Variants in CERK observed in about 807,000 individuals in gnomAD.
The protein encoded by CERK is ceramide kinase.
CERK carries 39 observed loss-of-function variants against 63.4 expected under a neutral mutation model. The ratio of observed to expected loss-of-function variants is 0.61; its 90% CI spans 0.48 to 0.80. The LOEUF (loss-of-function observed/expected upper bound fraction) is 0.80. Among genes scored for constraint, CERK ranks in the 30% least tolerant of loss-of-function variants. The probability of loss-of-function intolerance (pLI) is 0.00; values close to 1 mark genes in which losing one functional copy is unlikely to be tolerated. For missense variants in CERK, 670 were observed against 714.1 expected (o/e 0.94, Z 0.70); for synonymous variants, 302 against 280.0 (o/e 1.08, Z -0.78).
chr22:46,720,966 GTC>G lies in CERK; in HGVS notation c.190_191del (p.Asp64ArgfsTer87), dbSNP rs1569328046. ...CACTGCCTTGATGTTTCCCGTGAAC[GTC>G]TGTTTCCTCAACGGCGATGATCTCA... ...VSEIIAVEET[D>X]VHGKHQGSGK... On this transcript the variant is annotated frameshift_variant, in exon 2 of 13. Transcript: ENST00000216264. LOFTEE classifies it high-confidence loss of function. The G allele has an allele frequency of 6.2e-7, 1 of 1,613,664 alleles. No homozygotes were observed. The highest frequency in any genetic ancestry group is 1.3e-5 in the African/African-American group (1 of 75,008).
chr22:46,691,860 G>C, intron 10 of CERK, 83 bp from the exon 11 acceptor site: 2 of 1,130,216 alleles, frequency 1.8e-6, no homozygotes, highest in South Asian at 1.5e-5. Context: ...GAGGCCATTC[G>C]GGCTCTCACC....
intron 1 of CERK, among the ~76,000 whole-genome samples, chr22:46,723,186 CA>C (rs1021361324): frequency 6.6e-6 from 1 of 152,176 alleles, no homozygotes; most frequent in Non-Finnish European, 1.5e-5. Flanking sequence ...ACAAAGATGC[CA>C]GCAGGGTCAT....
intron 7 of CERK, among the ~76,000 whole-genome samples, chr22:46,700,230 C>A (rs1485383399): frequency 6.7e-6 from 1 of 150,122 alleles, no homozygotes; most frequent in African/African-American, 2.5e-5. Flanking sequence ...CCCGTCTCTA[C>A]TAAAAATACA....
At chr22:46,693,643 A>T in intron 9 of CERK, 140 bp from the exon 10 acceptor site, 1 of 675,538 alleles carries the variant, frequency 1.5e-6, no homozygotes. Context: ...ATTTTTTGGC[A>T]TATTAATTAG....
At chr22:46,687,486 A>G (rs2082708468) in intron 12 of CERK, among the ~76,000 whole-genome samples, 1 of 152,220 alleles carries the variant, frequency 6.6e-6, no homozygotes, top group African/African-American at 2.4e-5. Flanking sequence ...GGGGTTGCCA[A>G]TGGCCAGGTG....
At chr22:46,724,846 C>G (rs1224553595) in intron 1 of CERK, among the ~76,000 whole-genome samples, 1 of 151,954 alleles carries the variant, frequency 6.6e-6, no homozygotes, top group Non-Finnish European at 1.5e-5. Flanking sequence ...GGTGAAACCC[C>G]GACTCTACTA....
At chr22:46,696,547 C>T (rs2146548267) in intron 8 of CERK, among the ~76,000 whole-genome samples, 1 of 152,332 alleles carries the variant, frequency 6.6e-6, no homozygotes, top group Middle Eastern at 3.4e-3. Context: ...TTTCTGTCTG[C>T]CCCTAGATGG....
rs549184204 is a variant in CERK, at chr22:46,719,983, T to C, written c.379+103A>G. On this transcript the variant is annotated intron_variant, in intron 3 of 12. Transcript: ENST00000216264. ...TGACTCATCATGTCCACCTGGGGTA[T>C]GGCCAGCTGCACGAAACGGGGAGAC... is the stretch of plus-strand genomic sequence containing the variant. 82 of 1,472,588 alleles carry C rather than the reference T, an allele frequency of 5.6e-5. No homozygotes were observed. The African/African-American group carries it at 6.0e-4, about 11-fold the overall frequency. The allele number at this position is 1,472,588 out of a possible 1,614,324, so 91.2% of individuals were successfully genotyped here.
chr22:46,720,758 T>A (rs969010137), intron 2 of CERK, 144 bp downstream of exon 2: 7 of 553,994 alleles, frequency 1.3e-5, no homozygotes, highest in Non-Finnish European at 2.3e-5. Context: ...TAACTAAAGG[T>A]AGCATTTGGG....
At chr22:46,694,029 C>T (rs192783682) in intron 9 of CERK, among the ~76,000 whole-genome samples, 3 of 152,274 alleles carry the variant, frequency 2.0e-5, no homozygotes, top group East Asian at 1.9e-4. Context: ...TGATGGAAAT[C>T]GCTCATCAGC....
chr22:46,691,418 A>T (rs1319789114), intron 11 of CERK, among the ~76,000 whole-genome samples, 154 bp downstream of exon 11: 1 of 152,166 alleles, frequency 6.6e-6, no homozygotes, highest in Non-Finnish European at 1.5e-5. Context: ...GAGTAGTTGT[A>T]ACCAGGAGTT....
Position 46,701,753 on chromosome 22 carries a change from A to T in CERK, c.716-43T>A, listed in dbSNP as rs55670938. On this transcript the variant is annotated intron_variant, in intron 6 of 12. Coordinates refer to ENST00000216264, the MANE Select transcript of CERK (RefSeq NM_022766.6). ...AGGTCCCAAATAGCATCAGAATAACAGAATTGTAATCGCCTCCCAATTCAG... is the reference window on the plus strand; with the variant it reads ...AGGTCCCAAATAGCATCAGAATAACTGAATTGTAATCGCCTCCCAATTCAG... 3,112 of 1,474,076 alleles carry T rather than the reference A, an allele frequency of 2.1e-3. 10 individuals are homozygous for T. The highest frequency in any genetic ancestry group is 2.3e-3 in the Non-Finnish European group (2,526 of 1,078,272). The allele number at this position is 1,474,076 out of a possible 1,614,324, so 91.3% of individuals were successfully genotyped here.
Position 46,701,682 on chromosome 22 carries a change from G to A in CERK, c.744C>T (p.Thr248=), listed in dbSNP as rs369404293. ...AGSTDCVCYS[T]VGTSDAETSA... ...AGGTTTCTGCGTCGCTGGTGCCCAC[G>A]GTGGAGTAACACACGCAGTCCGTTG... The change falls in exon 7 of 13, where the codon ACC becomes ACT. Residue 248 remains threonine (T), a synonymous_variant. Transcript: ENST00000216264. The A allele has an allele frequency of 5.1e-6, 8 of 1,558,862 alleles. No homozygotes were observed. The highest frequency in any genetic ancestry group is 1.9e-5 in the Admixed American group (1 of 52,202).
intron 1 of CERK, among the ~76,000 whole-genome samples, chr22:46,735,912 G>A (rs1288104753): frequency 6.6e-6 from 1 of 152,232 alleles, no homozygotes; most frequent in Non-Finnish European, 1.5e-5. Context: ...CTGTATTCCT[G>A]AACTCATTCA....
Position 46,712,252 on chromosome 22 carries a change from C to T in CERK, c.421G>A (p.Gly141Arg). The T allele has an allele frequency of 6.2e-7, 1 of 1,613,974 alleles. No homozygotes were observed. Among genetic ancestry groups the T allele is most frequent in the African/African-American group, 1.3e-5 (1 of 75,030 alleles). Reference protein sequence around the residue: ...KHLLVFINPFGGKGQGKRIYE... With the variant: ...KHLLVFINPFRGKGQGKRIYE... ...ATCCGCTTGCCTTGTCCTTTTCCTC[C>T]AAACGGGTTGATAAATACCAGTAAA... The change falls in exon 4 of 13, where the codon GGA becomes AGA. Residue 141 changes from glycine to arginine, a missense_variant. Physicochemically the swap from Gly to Arg is moderately radical, Grantham distance 125 (BLOSUM62 -2). Transcript: ENST00000216264.
At chr22:46,713,975 T>C (rs2082855637) in intron 3 of CERK, among the ~76,000 whole-genome samples, 1 of 151,568 alleles carries the variant, frequency 6.6e-6, no homozygotes. Flanking sequence ...CGACAAACGA[T>C]CAAAAAAAAT....
In CERK at chr22:46,721,011, G is replaced by A. The variant is rs1481182518; in HGVS notation, c.147C>T (p.Ala49=). 11 of 1,605,162 alleles carry A rather than the reference G, an allele frequency of 6.9e-6. No individual in the cohort carries two copies. Among genetic ancestry groups the A allele is most frequent in the African/African-American group, 1.3e-5 (1 of 74,696 alleles). The change falls in exon 2 of 13, where the codon GCC becomes GCT. Residue 49 remains alanine, a synonymous_variant. Coordinates refer to ENST00000216264, the MANE Select transcript of CERK (RefSeq NM_022766.6). ...GPGAGAPGAD[A]CSVPVSEIIA... ...TGATCTCAGATACAGGCACAGAGCA[G>A]GCATCTGTAAAAACACCACGTCCTT...
At chr22:46,722,474 C>T (rs772354885) in intron 1 of CERK, among the ~76,000 whole-genome samples, 75 of 151,948 alleles carry the variant, frequency 4.9e-4, no homozygotes, top group Non-Finnish European at 7.9e-4. Context: ...CTGTGTGCAT[C>T]CTCCTCCTGG....
At chr22:46,710,994 G>A (rs1001347386) in intron 5 of CERK, 92 bp downstream of exon 5, 25 of 989,094 alleles carry the variant, frequency 2.5e-5, no homozygotes, top group African/African-American at 2.1e-4. Flanking sequence ...GGCGGGGGGC[G>A]GATTTAGGAA....
Sources: allele counts gnomAD v4.1 joint callset (sites outside exome capture counted in the v4.1 genomes callset), GRCh38; gene constraint gnomAD v4.1.1; transcripts MANE v1.5; gene names NCBI Gene and HGNC (gene_info 2026-07-23, HGNC 2026-07-21).